TSPEAR: variants seen among roughly 807,000 people sequenced by gnomAD.
TSPEAR encodes thrombospondin-type laminin G domain and EAR repeat-containing protein.
Under a neutral mutation model 71.6 loss-of-function variants are expected in TSPEAR, and 69 were observed. That is an observed-to-expected ratio of 0.96 (90% CI 0.79 to 1.18). The LOEUF is 1.18. Among genes scored for constraint, TSPEAR ranks in the 50% most tolerant of loss-of-function variants. The pLI is 0.00. For missense variants in TSPEAR, 971 were observed against 894.9 expected (o/e 1.09, Z -1.09); for synonymous variants, 402 against 387.2 (o/e 1.04, Z -0.45).
At chr21:44,513,900 C>G (rs935387992) in intron 9 of TSPEAR, among the ~76,000 whole-genome samples, 1 of 152,170 alleles carries the variant, frequency 6.6e-6, no homozygotes, top group African/African-American at 2.4e-5. Context: ...GGACAAGCAT[C>G]CCGGGTGGCC....
rs782420148 is a variant in TSPEAR, at chr21:44,697,338, C to T, written c.82+14095G>A. 4 of 1,612,398 alleles carry T rather than the reference C, an allele frequency of 2.5e-6. No homozygotes were observed. The Admixed American group carries it at 5.0e-5, about 20-fold the overall frequency. Reference sequence around the variant, plus strand: ...GAGCCCCCCTGCTGCGCCCCGGCCCCCTGCCTGAGCCTGGTCTGCACCCCA... The same window carrying T: ...GAGCCCCCCTGCTGCGCCCCGGCCCTCTGCCTGAGCCTGGTCTGCACCCCA... On this transcript the variant is annotated intron_variant, in intron 1 of 11. Transcript: ENST00000323084.
intron 2 of TSPEAR, among the ~76,000 whole-genome samples, chr21:44,552,457 T>G (rs2053458381): frequency 6.6e-6 from 1 of 152,092 alleles, no homozygotes; most frequent in Non-Finnish European, 1.5e-5. Flanking sequence ...TACGGCAGCC[T>G]GGGACGGGCT....
intron 1 of TSPEAR, among the ~76,000 whole-genome samples, chr21:44,594,908 C>T (rs1980260799): frequency 6.6e-6 from 1 of 151,080 alleles, no homozygotes; most frequent in African/African-American, 2.4e-5. Context: ...CCGCAGCCTC[C>T]ACCTCCTGGT....
At chr21:44,562,844 A>G (rs2053656737) in intron 2 of TSPEAR, among the ~76,000 whole-genome samples, 1 of 152,216 alleles carries the variant, frequency 6.6e-6, no homozygotes, top group African/African-American at 2.4e-5. Context: ...TTACCTGCAG[A>G]TGCATCTTAC....
At chr21:44,595,420 C>T (rs1325229191) in intron 1 of TSPEAR, among the ~76,000 whole-genome samples, 1 of 152,226 alleles carries the variant, frequency 6.6e-6, no homozygotes, top group Admixed American at 6.5e-5. Flanking sequence ...CTAATCAATG[C>T]ATAGACATGT....
intron 1 of TSPEAR, chr21:44,637,626 G>A: frequency 6.2e-7 from 1 of 1,613,938 alleles, no homozygotes; most frequent in Non-Finnish European, 8.5e-7. Flanking sequence ...ACCAGCTCCT[G>A]CACAACCCCA....
Position 44,498,085 on chromosome 21 carries a change from CAGTT to C in TSPEAR, c.*1694_*1697del, listed in dbSNP as rs1442681416. The C allele has an allele frequency of 1.3e-5, 2 of 152,154 alleles. No individual in the cohort carries two copies. The highest frequency in any genetic ancestry group is 2.9e-5 in the Non-Finnish European group (2 of 68,044). The allele number at this position is 152,154 out of a possible 1,614,324, so 9.4% of individuals were successfully genotyped here. On this transcript the variant is annotated 3_prime_UTR_variant, in exon 12 of 12. Transcript: ENST00000323084. ...GAGAAAAGGAGCAGGTGGGAACAGTCAGTTACCTGTTTATCTCGTGCTCAGTAAA... is the reference window on the plus strand; with the variant it reads ...GAGAAAAGGAGCAGGTGGGAACAGTCACCTGTTTATCTCGTGCTCAGTAAA...
At chr21:44,589,737 TGACAAACATG>T (rs1979630918) in intron 1 of TSPEAR, among the ~76,000 whole-genome samples, 1 of 152,032 alleles carries the variant, frequency 6.6e-6, no homozygotes, top group African/African-American at 2.4e-5. Flanking sequence ...GTGGGGACAA[TGACAAACATG>T]GAGGAGGTCA....
At chr21:44,697,569 T>C (rs782699098) in intron 1 of TSPEAR, 8 of 1,612,562 alleles carry the variant, frequency 5.0e-6, no homozygotes, top group East Asian at 2.2e-5. Context: ...TGTATGCCCG[T>C]CTGCTGTGGG....
At chr21:44,575,869 G>A (rs986799034) in intron 1 of TSPEAR, among the ~76,000 whole-genome samples, 1 of 151,962 alleles carries the variant, frequency 6.6e-6, no homozygotes, top group Admixed American at 6.6e-5. Context: ...TCATCTCCTC[G>A]ACCCTCCGGC....
intron 1 of TSPEAR, chr21:44,575,028 T>C (rs1005092569): frequency 1.3e-6 from 2 of 1,587,506 alleles, no homozygotes; most frequent in Admixed American, 3.4e-5. Context: ...CAGCTGCTGA[T>C]GGACACGCCC....
intron 1 of TSPEAR, among the ~76,000 whole-genome samples, chr21:44,659,486 G>T (rs1246280678): frequency 6.6e-6 from 1 of 152,094 alleles, no homozygotes. Flanking sequence ...ACACACTAAT[G>T]GCCTGACAGG....
chr21:44,699,375 C>T (rs1412106989), intron 1 of TSPEAR, among the ~76,000 whole-genome samples: 1 of 48,476 alleles, frequency 2.1e-5, no homozygotes, highest in African/African-American at 7.3e-5. Context: ...GAGACACTGT[C>T]TCAAAAAAAA....
At chr21:44,694,780 C>G (rs1987260473) in intron 1 of TSPEAR, among the ~76,000 whole-genome samples, 1 of 152,206 alleles carries the variant, frequency 6.6e-6, no homozygotes, top group South Asian at 2.1e-4. Flanking sequence ...GGTTGTTGAC[C>G]TTGCTGAGTC....
intron 11 of TSPEAR, among the ~76,000 whole-genome samples, 177 bp downstream of exon 11, chr21:44,504,603 G>A (rs2052151122): frequency 1.4e-5 from 1 of 73,316 alleles, no homozygotes; most frequent in East Asian, 4.5e-4. Flanking sequence ...GGGGAAGCAA[G>A]TCTCTTGGAG....
intron 2 of TSPEAR, among the ~76,000 whole-genome samples, chr21:44,541,786 C>T (rs1272633319): frequency 6.6e-6 from 1 of 152,214 alleles, no homozygotes; most frequent in African/African-American, 2.4e-5. Context: ...AGAATGAAAC[C>T]TATCTTTAAA....
At chr21:44,513,563 G>A (rs1207282191) in intron 9 of TSPEAR, among the ~76,000 whole-genome samples, 8 of 152,262 alleles carry the variant, frequency 5.3e-5, no homozygotes, top group South Asian at 2.1e-4. Flanking sequence ...GCCCTGGCAC[G>A]GTGCCTGGCA....
intron 1 of TSPEAR, among the ~76,000 whole-genome samples, chr21:44,651,546 C>T (rs921579228): frequency 6.6e-6 from 1 of 152,086 alleles, no homozygotes; most frequent in African/African-American, 2.4e-5. Context: ...GGCTCGAGCC[C>T]TTGGTTCAGG....
intron 1 of TSPEAR, among the ~76,000 whole-genome samples, chr21:44,595,522 A>G (rs377286648): frequency 1.8e-4 from 28 of 152,210 alleles, no homozygotes; most frequent in Middle Eastern, 3.2e-3. Flanking sequence ...ACAGAGCCTG[A>G]ATGAAGTTGG....
Sources: allele counts gnomAD v4.1 joint callset (sites outside exome capture counted in the v4.1 genomes callset), GRCh38; gene constraint gnomAD v4.1.1; transcripts MANE v1.5; gene names NCBI Gene and HGNC (gene_info 2026-07-23, HGNC 2026-07-21).